SLC35F1: variants seen among roughly 807,000 people sequenced by gnomAD.
SLC35F1 encodes chromosome 6 open reading frame 169.
A neutral mutation model predicts 48.7 loss-of-function variants in SLC35F1; 14 were observed. The ratio of observed to expected loss-of-function variants is 0.29; its 90% CI spans 0.19 to 0.45. SLC35F1 has a LOEUF of 0.45. Ranked by LOEUF, SLC35F1 falls within the 20% of genes least tolerant of loss-of-function variation. The pLI, the probability that SLC35F1 is intolerant of heterozygous loss-of-function variation, is 1.00. For synonymous variants in SLC35F1, 190 were observed against 202.2 expected (o/e 0.94, Z 0.51); for missense variants, 404 against 500.0 (o/e 0.81, Z 1.83).
chr6:118,235,263 GGT>G (rs1775347226), intron 2 of SLC35F1, among the ~76,000 whole-genome samples: 1 of 151,990 alleles, frequency 6.6e-6, no homozygotes, highest in African/African-American at 2.4e-5. Flanking sequence ...TGTTTTGCAT[GGT>G]AAGCTTATAA....
At chr6:118,060,186 T>C (rs777094978) in intron 1 of SLC35F1, among the ~76,000 whole-genome samples, 3 of 152,158 alleles carry the variant, frequency 2.0e-5, no homozygotes, top group Non-Finnish European at 4.4e-5. Flanking sequence ...ATCTTTACCA[T>C]TGGCTTATTG....
intron 3 of SLC35F1, among the ~76,000 whole-genome samples, chr6:118,244,779 G>C (rs954764868): frequency 6.6e-6 from 1 of 152,200 alleles, no homozygotes; most frequent in Non-Finnish European, 1.5e-5. Context: ...AATAAGCCCT[G>C]AATCAATTCC....
At chr6:118,124,844 C>T (rs1773601152) in intron 1 of SLC35F1, among the ~76,000 whole-genome samples, 1 of 152,128 alleles carries the variant, frequency 6.6e-6, no homozygotes, top group Non-Finnish European at 1.5e-5. Flanking sequence ...CTTAAAGTTA[C>T]AATTTTAAAT....
At chr6:117,966,339 G>T (rs948477771) in intron 1 of SLC35F1, among the ~76,000 whole-genome samples, 2 of 143,528 alleles carry the variant, frequency 1.4e-5, no homozygotes, top group South Asian at 4.5e-4. Flanking sequence ...CGAACCCACC[G>T]GCAGGAACTA....
chr6:118,205,100 G>A (rs1031946996), intron 2 of SLC35F1, among the ~76,000 whole-genome samples: 11 of 152,182 alleles, frequency 7.2e-5, no homozygotes, highest in Admixed American at 1.3e-4. Flanking sequence ...CTCTCCTGAT[G>A]CAGCTCTGCC....
chr6:118,168,246 T>C (rs7762210), intron 2 of SLC35F1, among the ~76,000 whole-genome samples: 2,678 of 152,254 alleles, frequency 0.018, 98 homozygotes, highest in African/African-American at 0.061. Context: ...TGGGCTTCTA[T>C]GAACTAGACC....
intron 5 of SLC35F1, 71 bp downstream of exon 5, chr6:118,275,686 TG>T: frequency 6.7e-6 from 10 of 1,490,268 alleles, no homozygotes; most frequent in Non-Finnish European, 9.1e-6. Flanking sequence ...TTTTTGTTCT[TG>T]GGATGTAAAA....
chr6:118,009,491 A>T (rs1381579279), intron 1 of SLC35F1, among the ~76,000 whole-genome samples: 1 of 152,186 alleles, frequency 6.6e-6, no homozygotes, highest in Non-Finnish European at 1.5e-5. Flanking sequence ...TGAGAGAACA[A>T]ATAAGTATAA....
chr6:117,951,511 A>G (rs1776362700), intron 1 of SLC35F1, among the ~76,000 whole-genome samples: 1 of 152,256 alleles, frequency 6.6e-6, no homozygotes, highest in African/African-American at 2.4e-5. Context: ...AATTAGGAGT[A>G]TGTATAAGAT....
At chr6:118,195,399 T>C (rs1193882423) in intron 2 of SLC35F1, among the ~76,000 whole-genome samples, 2 of 152,178 alleles carry the variant, frequency 1.3e-5, no homozygotes, top group African/African-American at 4.8e-5. Context: ...CCTCCCTGGG[T>C]CTAATGTATA....
intron 1 of SLC35F1, among the ~76,000 whole-genome samples, chr6:117,993,508 GA>G (rs1776946684): frequency 6.6e-6 from 1 of 151,998 alleles, no homozygotes; most frequent in African/African-American, 2.4e-5. Context: ...AGGTACTATG[GA>G]TATAGCAGTG....
At chr6:117,951,187 A>C (rs1000018783) in intron 1 of SLC35F1, among the ~76,000 whole-genome samples, 15 of 152,200 alleles carry the variant, frequency 9.9e-5, no homozygotes, top group Non-Finnish European at 1.5e-4. Context: ...GTACTGAGGG[A>C]GCTTTGGAGA....
chr6:118,021,426 A>G (rs1298049385), intron 1 of SLC35F1, among the ~76,000 whole-genome samples: 6 of 152,182 alleles, frequency 3.9e-5, no homozygotes, highest in Admixed American at 2.0e-4. Context: ...AGTAACATGC[A>G]TGTCCCTATG....
intron 1 of SLC35F1, among the ~76,000 whole-genome samples, chr6:118,064,652 G>A (rs1772588597): frequency 6.6e-6 from 1 of 152,080 alleles, no homozygotes; most frequent in South Asian, 2.1e-4. Context: ...AGAGACTTAG[G>A]GTGCTTAGAT....
intron 1 of SLC35F1, among the ~76,000 whole-genome samples, chr6:117,928,747 A>T (rs1157358053): frequency 6.6e-6 from 1 of 152,118 alleles, no homozygotes; most frequent in African/African-American, 2.4e-5. Context: ...GCAGTTGCAC[A>T]AGTCAATCAA....
chr6:118,314,916 T>G lies in SLC35F1; in HGVS notation c.*664T>G, dbSNP rs1776414063. ...AAAGAAACATTTTAGCCTTTTTATA[T>G]TTCGATCTCTGATTACTCCAGGCCA... On this transcript the variant is annotated 3_prime_UTR_variant, in exon 8 of 8. Transcript: ENST00000360388. 6.5e-6 allele frequency: 1 copy of G among 153,206 alleles called. No individual in the cohort carries two copies. Among genetic ancestry groups the G allele is most frequent in the South Asian group, 2.1e-4 (1 of 4,848 alleles). The allele number at this position is 153,206 out of a possible 1,614,324, so 9.5% of individuals were successfully genotyped here.
At chr6:118,029,733 GT>G (rs1453935196) in intron 1 of SLC35F1, among the ~76,000 whole-genome samples, 2 of 152,096 alleles carry the variant, frequency 1.3e-5, no homozygotes, top group East Asian at 3.9e-4. Context: ...ATTTTATACT[GT>G]TTACAAAAGT....
At chr6:118,281,658 T>C (rs1247812804) in intron 6 of SLC35F1, among the ~76,000 whole-genome samples, 1 of 152,212 alleles carries the variant, frequency 6.6e-6, no homozygotes, top group East Asian at 1.9e-4. Context: ...TCTCAGGTAA[T>C]GTGGCCTCCC....
rs138173173 is a variant in SLC35F1, at chr6:118,060,780, C to T, written c.174-93665C>T. 4.3e-4 allele frequency among the ~76,000 whole-genome samples: 66 copies of T among 152,290 alleles called. 1 individual carries two copies. Among genetic ancestry groups the T allele is most frequent in the African/African-American group, 1.5e-3 (61 of 41,572 alleles). ...CAATATGTTAGCTAACATGCTTTGA[C>T]TCATTTAATCCTCATAAGACAGGGC... On this transcript the variant is annotated intron_variant, in intron 1 of 7. Transcript: ENST00000360388.
Sources: allele counts gnomAD v4.1 joint callset (sites outside exome capture counted in the v4.1 genomes callset), GRCh38; gene constraint gnomAD v4.1.1; transcripts MANE v1.5; gene names NCBI Gene and HGNC (gene_info 2026-07-23, HGNC 2026-07-21).